RBFOX1: variants seen among roughly 807,000 people sequenced by gnomAD.
RBFOX1 encodes the protein RNA binding fox-1 homolog 1.
Under a neutral mutation model 57.7 loss-of-function variants are expected in RBFOX1, and 8 were observed. The ratio of observed to expected loss-of-function variants is 0.14; its 90% CI spans 0.08 to 0.25. RBFOX1 has a LOEUF of 0.25. Among genes scored for constraint, RBFOX1 ranks in the 10% least tolerant of loss-of-function variants. The pLI is 1.00. For synonymous variants in RBFOX1, 326 were observed against 222.4 expected, an observed-to-expected ratio of 1.47 and a Z score of -4.15; for missense variants, 611 against 548.5, an observed-to-expected ratio of 1.11 and a Z score of -1.14.
intron 15 of RBFOX1, chr16:7,709,477 G>A (rs1203617392): frequency 3.5e-6 from 5 of 1,438,234 alleles, no homozygotes; most frequent in Non-Finnish European, 4.5e-6. Flanking sequence ...TCCCTCCCTT[G>A]CTGCTCATTC....
intron 3 of RBFOX1, among the ~76,000 whole-genome samples, chr16:6,967,214 A>G (rs1336547142): frequency 6.6e-6 from 1 of 151,904 alleles, no homozygotes; most frequent in Non-Finnish European, 1.5e-5. Flanking sequence ...CCATCTCTCC[A>G]TCCATCATCC....
chr16:7,668,844 A>G (rs909997442), intron 13 of RBFOX1, among the ~76,000 whole-genome samples: 1 of 152,240 alleles, frequency 6.6e-6, no homozygotes, highest in Admixed American at 6.5e-5. Flanking sequence ...TTATACAAAC[A>G]GAGTTGCAAT....
intron 1 of RBFOX1, among the ~76,000 whole-genome samples, chr16:6,116,442 CAA>C (rs2096496570): frequency 1.3e-5 from 2 of 152,224 alleles, no homozygotes; most frequent in South Asian, 4.1e-4. Context: ...AGCTGTTAAT[CAA>C]AGTTTTCTTA....
intron 3 of RBFOX1, among the ~76,000 whole-genome samples, chr16:7,048,086 C>A (rs2048664336): frequency 6.6e-6 from 1 of 152,010 alleles, no homozygotes; most frequent in African/African-American, 2.4e-5. Flanking sequence ...ACCATGTTGG[C>A]CAGGCTGGTC....
In RBFOX1 at chr16:7,626,660, G is replaced by A. The variant is rs77604752; in HGVS notation, c.677-3943G>A. On this transcript the variant is annotated intron_variant, in intron 10 of 15. Transcript: ENST00000550418. ...CAGGAAAGAAGAGAAAACACGTGAA[G>A]TAGATTGAAGCTATTTCAATCTGTA... Among the ~76,000 whole-genome samples, 6 of 152,274 alleles carry A rather than the reference G, an allele frequency of 3.9e-5. No individual in the cohort carries two copies. The East Asian group carries it at 1.2e-3, about 29-fold the overall frequency.
At position 7,460,960 on chromosome 16, in the gene RBFOX1, A is replaced by G. The variant is rs147666478; in HGVS notation, c.28-57187A>G. On this transcript the variant is annotated intron_variant, in intron 4 of 15. Coordinates refer to ENST00000550418, the MANE Select transcript of RBFOX1 (RefSeq NM_018723.4). ...GAGACCCATCAACATGGAATAATCA[A>G]GATTGATCTCCTTGACATTGTGGAG... Among the ~76,000 whole-genome samples the G allele has an allele frequency of 1.9e-3, 296 of 152,294 alleles. 3 individuals carry two copies. Among genetic ancestry groups the G allele is most frequent in the African/African-American group, 6.6e-3 (273 of 41,572 alleles).
At chr16:6,338,680 C>T (rs930201164) in intron 2 of RBFOX1, among the ~76,000 whole-genome samples, 5 of 152,162 alleles carry the variant, frequency 3.3e-5, no homozygotes, top group Non-Finnish European at 4.4e-5. Context: ...ATTCATTCCT[C>T]TTCTAAGACA....
chr16:7,032,855 T>C (rs1568457256), intron 3 of RBFOX1, among the ~76,000 whole-genome samples: 1 of 152,200 alleles, frequency 6.6e-6, no homozygotes, highest in Non-Finnish European at 1.5e-5. Context: ...TCTGGGAAAC[T>C]TGTCTAACTT....
At chr16:6,769,686 T>A (rs749788482) in intron 3 of RBFOX1, among the ~76,000 whole-genome samples, 10 of 152,200 alleles carry the variant, frequency 6.6e-5, no homozygotes, top group Non-Finnish European at 1.3e-4. Context: ...TCTGCTAATG[T>A]TCCCTGCTGA....
chr16:7,427,962 A>G (rs1358553840), intron 4 of RBFOX1, among the ~76,000 whole-genome samples: 1 of 152,158 alleles, frequency 6.6e-6, no homozygotes, highest in African/African-American at 2.4e-5. Flanking sequence ...TTTCTTGAAC[A>G]TACTCCGTGC....
At chr16:6,831,351 C>A (rs113522847) in intron 3 of RBFOX1, among the ~76,000 whole-genome samples, 11 of 152,176 alleles carry the variant, frequency 7.2e-5, no homozygotes, top group African/African-American at 2.4e-4. Context: ...TTAGATGATA[C>A]GTATTTTCTA....
At chr16:6,958,438 C>G (rs1430811721) in intron 3 of RBFOX1, among the ~76,000 whole-genome samples, 1 of 152,086 alleles carries the variant, frequency 6.6e-6, no homozygotes, top group Non-Finnish European at 1.5e-5. Context: ...AAGCATTGGG[C>G]AAGGACCTTC....
chr16:7,273,237 C>CCTTCCTTCCTTCCTTCCTTA (rs2095371082), intron 4 of RBFOX1, among the ~76,000 whole-genome samples: 2 of 140,846 alleles, frequency 1.4e-5, no homozygotes, highest in Non-Finnish European at 3.1e-5. Context: ...TTCCTTCCTT[C>CCTTCCTTCCTTCCTTCCTTA]CTTCCTTCCT....
chr16:7,023,199 G>C (rs2039824397), intron 3 of RBFOX1, among the ~76,000 whole-genome samples: 1 of 152,010 alleles, frequency 6.6e-6, no homozygotes, highest in African/African-American at 2.4e-5. Context: ...TGAATGGGCT[G>C]GGCATGGTAG....
chr16:5,279,469 C>T (rs2063218178), intron 1 of RBFOX1, among the ~76,000 whole-genome samples: 2 of 151,638 alleles, frequency 1.3e-5, no homozygotes, highest in South Asian at 2.1e-4. Flanking sequence ...TGAAGCTTTA[C>T]TGAATTATAC....
chr16:7,264,235 G>C (rs2095042674), intron 4 of RBFOX1, among the ~76,000 whole-genome samples: 1 of 152,098 alleles, frequency 6.6e-6, no homozygotes, highest in Non-Finnish European at 1.5e-5. Flanking sequence ...AAATATGAAG[G>C]AAAAAGGGAG....
At position 6,218,388 on chromosome 16, in the gene RBFOX1, G is replaced by A. The variant is rs550686679; in HGVS notation, c.-126-98607G>A. On this transcript the variant is annotated intron_variant, in intron 1 of 15. Transcript: ENST00000550418. Reference sequence around the variant, plus strand: ...CAGTGGCACAATCTCGGCTCACTGCGACACCTGCCTCCAGGGTTCAAGTGA... The same window carrying A: ...CAGTGGCACAATCTCGGCTCACTGCAACACCTGCCTCCAGGGTTCAAGTGA... Among the ~76,000 whole-genome samples, 487 of 152,014 alleles carry A rather than the reference G, an allele frequency of 3.2e-3. 2 individuals are homozygous for A. The highest frequency in any genetic ancestry group is 0.011 in the African/African-American group (475 of 41,478).
chr16:5,432,149 A>T (rs2067757661), intron 1 of RBFOX1, among the ~76,000 whole-genome samples: 1 of 152,188 alleles, frequency 6.6e-6, no homozygotes, highest in Non-Finnish European at 1.5e-5. Flanking sequence ...GTGGAGGGAA[A>T]ATCCACCAGG....
At chr16:5,698,503 G>GT (rs1567412352) in intron 3 of RBFOX1, among the ~76,000 whole-genome samples, 1 of 152,080 alleles carries the variant, frequency 6.6e-6, no homozygotes, top group African/African-American at 2.4e-5. Flanking sequence ...ACTAGTTTTT[G>GT]TTTTTTGTAC....
Sources: allele counts gnomAD v4.1 joint callset (sites outside exome capture counted in the v4.1 genomes callset), GRCh38; gene constraint gnomAD v4.1.1; transcripts MANE v1.5; gene names NCBI Gene and HGNC (gene_info 2026-07-23, HGNC 2026-07-21).